Variants in PLB1 observed in about 807,000 individuals in gnomAD.
PLB1 encodes phospholipase B1, also known as phospholipase B1, membrane-associated.
A neutral mutation model predicts 227.4 loss-of-function variants in PLB1; 242 were observed. That is an observed-to-expected ratio of 1.06 (90% CI 0.96 to 1.18). PLB1 has a LOEUF of 1.18. Among genes scored for constraint, PLB1 ranks in the 50% most tolerant of loss-of-function variants. The probability of loss-of-function intolerance (pLI) is 0.00; values close to 1 mark genes in which losing one functional copy is unlikely to be tolerated. For synonymous variants in PLB1, 757 were observed against 682.2 expected (o/e 1.11, Z -1.71); for missense variants, 1,858 against 1,816.3 (o/e 1.02, Z -0.42).
chr2:28,620,687 C>T (rs776064769), intron 48 of PLB1, 44 bp downstream of exon 48: 1 of 1,610,710 alleles, frequency 6.2e-7, no homozygotes, highest in East Asian at 2.2e-5. Flanking sequence ...GGCCGTCCTC[C>T]CTGGGGCCAG....
intron 1 of PLB1, among the ~76,000 whole-genome samples, chr2:28,501,166 A>G (rs896724875): frequency 6.6e-6 from 1 of 152,212 alleles, no homozygotes; most frequent in African/African-American, 2.4e-5. Context: ...TTTAGGTAGA[A>G]TTACACTTTT....
At chr2:28,642,306 G>T (rs1558986723) in intron 57 of PLB1, among the ~76,000 whole-genome samples, 2 of 151,820 alleles carry the variant, frequency 1.3e-5, no homozygotes, top group African/African-American at 4.9e-5. Context: ...CCAGCAAGGG[G>T]GCTAAACACA....
intron 26 of PLB1, among the ~76,000 whole-genome samples, chr2:28,586,781 T>G (rs1360085832): frequency 6.6e-6 from 1 of 152,184 alleles, no homozygotes; most frequent in Non-Finnish European, 1.5e-5. Context: ...AGGGTCTCAC[T>G]TTGTCATCCA....
chr2:28,615,335 A>G (rs995470313), intron 44 of PLB1, among the ~76,000 whole-genome samples: 1 of 152,212 alleles, frequency 6.6e-6, no homozygotes, highest in Non-Finnish European at 1.5e-5. Flanking sequence ...CAAGTGGAGA[A>G]AGATGGGAAG....
intron 1 of PLB1, among the ~76,000 whole-genome samples, chr2:28,507,803 C>G (rs781026012): frequency 6.6e-6 from 1 of 152,154 alleles, no homozygotes; most frequent in Non-Finnish European, 1.5e-5. Flanking sequence ...GTGCACTGGT[C>G]TCTGCCTGGA....
intron 26 of PLB1, among the ~76,000 whole-genome samples, chr2:28,588,100 G>A (rs1051919015): frequency 3.4e-4 from 42 of 123,928 alleles, no homozygotes; most frequent in African/African-American, 1.4e-3. Context: ...CAGAAGCTAC[G>A]GCTCTCTCAC....
intron 12 of PLB1, 141 bp from the exon 13 acceptor site, chr2:28,541,566 A>G: frequency 3.2e-6 from 2 of 624,068 alleles, no homozygotes; most frequent in Non-Finnish European, 5.6e-6. Context: ...GTGAGACAAG[A>G]GGGAGCTTCA....
At position 28,604,020 on chromosome 2, in the gene PLB1, G is replaced by T; in HGVS notation, c.2829G>T (p.Arg943Ser). Residue 943 changes from arginine (R) to serine (S), a missense_variant, in exon 40 of 58, where the codon AGG becomes AGT. Arg to Ser is a moderately radical substitution (Grantham distance 110, BLOSUM62 -1). Transcript: ENST00000327757. ...GGGAGAACTCCCAAGAGCTAGCCAG[G>T]CTGGAGGCCTTCAGCCGAGCCTACC... is the stretch of plus-strand genomic sequence containing the variant. ...TLRENSQELA[R>S]LEAFSRAYRS... The T allele has an allele frequency of 1.9e-6, 3 of 1,614,214 alleles. No homozygotes were observed. The highest frequency in any genetic ancestry group is 3.3e-5 in the Admixed American group (2 of 60,034).
At chr2:28,588,981 T>C (rs553822906) in intron 26 of PLB1, among the ~76,000 whole-genome samples, 3,567 of 151,450 alleles carry the variant, frequency 0.024, 156 homozygotes, top group African/African-American at 0.083. Context: ...CTGGCCAACA[T>C]AGTGAAACCC....
At position 28,579,781 on chromosome 2, in the gene PLB1, C is replaced by T. The variant is rs956424146; in HGVS notation, c.1566+74C>T. 113 of 1,289,198 alleles carry T rather than the reference C, an allele frequency of 8.8e-5. 1 individual carries two copies. Among genetic ancestry groups the T allele is most frequent in the Middle Eastern group, 5.6e-4 (3 of 5,348 alleles). The allele number at this position is 1,289,198 out of a possible 1,614,324, so 79.9% of individuals were successfully genotyped here. A position where few individuals can be genotyped will look rare whatever the true frequency, so the allele number is the denominator to read the frequency against. Reference sequence around the variant, plus strand: ...TCACAGCCCGGTCACTTGCTCTGCCCGGGAGGAGTACAGCTAAGTTGGGAC... The same window carrying T: ...TCACAGCCCGGTCACTTGCTCTGCCTGGGAGGAGTACAGCTAAGTTGGGAC... On this transcript the variant is annotated intron_variant, in intron 23 of 57. Coordinates refer to ENST00000327757, the MANE Select transcript of PLB1 (RefSeq NM_153021.5).
chr2:28,565,737 G>A (rs1676776647), intron 19 of PLB1, among the ~76,000 whole-genome samples: 1 of 152,130 alleles, frequency 6.6e-6, no homozygotes, highest in Non-Finnish European at 1.5e-5. Context: ...TGTAACCTTG[G>A]GCAAGTTCCC....
chr2:28,534,903 G>T (rs1034068788), intron 9 of PLB1, among the ~76,000 whole-genome samples: 1 of 151,756 alleles, frequency 6.6e-6, no homozygotes, highest in African/African-American at 2.4e-5. Flanking sequence ...CAAGAAAAGC[G>T]CCTGGAGTAG....
At chr2:28,577,936 G>T (rs189405155) in intron 21 of PLB1, among the ~76,000 whole-genome samples, 171 bp from the exon 22 acceptor site, 3 of 152,210 alleles carry the variant, frequency 2.0e-5, no homozygotes, top group South Asian at 2.1e-4. Flanking sequence ...CCACACCCCC[G>T]CAGTGGAGCC....
intron 2 of PLB1, among the ~76,000 whole-genome samples, chr2:28,518,126 C>T (rs1669065795): frequency 6.6e-6 from 1 of 152,178 alleles, no homozygotes; most frequent in African/African-American, 2.4e-5. Flanking sequence ...AAGTGATCCT[C>T]CTACGTCAGC....
At chr2:28,560,667 G>C (rs1010466941) in intron 17 of PLB1, among the ~76,000 whole-genome samples, 4 of 152,112 alleles carry the variant, frequency 2.6e-5, no homozygotes, top group African/African-American at 9.7e-5. Flanking sequence ...CGAATATATT[G>C]ATAGATGCTA....
chr2:28,566,897 G>C (rs1443137899), intron 20 of PLB1, 58 bp downstream of exon 20: 2 of 1,595,792 alleles, frequency 1.3e-6, no homozygotes, highest in African/African-American at 1.3e-5. Context: ...CACGCTTCCC[G>C]CTCCCCCTGC....
At chr2:28,604,086 T>G in intron 40 of PLB1, 39 bp downstream of exon 40, 2 of 1,547,880 alleles carry the variant, frequency 1.3e-6, no homozygotes, top group Non-Finnish European at 1.8e-6. Context: ...TCCTCTCCCC[T>G]ACGTTCACTC....
intron 1 of PLB1, among the ~76,000 whole-genome samples, chr2:28,506,232 A>T (rs1186338962): frequency 6.6e-6 from 1 of 152,214 alleles, no homozygotes; most frequent in East Asian, 1.9e-4. Context: ...ATTAAGCACC[A>T]AAATAGGTGC....
At chr2:28,519,683 A>G (rs780878730) in intron 3 of PLB1, 22 bp from the exon 4 acceptor site, 75 of 1,582,932 alleles carry the variant, frequency 4.7e-5, no homozygotes, top group South Asian at 8.9e-5. Context: ...TGACCTTCCT[A>G]TATGGGTTCT....
Sources: gnomAD v4.1 joint callset for allele counts (sites outside exome capture counted in the v4.1 genomes callset) on GRCh38, gnomAD v4.1.1 for gene constraint, MANE v1.5 for transcripts, NCBI Gene and HGNC (gene_info 2026-07-23, HGNC 2026-07-21) for gene names.